Variants in SPANXN3 observed in about 807,000 individuals in gnomAD.
SPANXN3 encodes the protein SPANX family member N3, also known as sperm protein associated with the nucleus on the X chromosome N3.
In SPANXN3, 1 loss-of-function variant was observed where a neutral mutation model predicts 1.9. The observed-to-expected ratio is 0.54, with a 90% CI of 0.19 to 2.54. The LOEUF (loss-of-function observed/expected upper bound fraction) is 2.54. Ranked by LOEUF, SPANXN3 falls within the 30% of genes most tolerant of loss-of-function variation. The pLI is 0.24. For missense variants in SPANXN3, 113 were observed against 96.2 expected (o/e 1.17, Z -0.73); for synonymous variants, 47 against 40.0 (o/e 1.17, Z -0.66).
At chrX:143,509,650 A>G in intron 1 of SPANXN3, 1 of 122,630 alleles carries the variant, frequency 8.2e-6, no homozygotes, top group Admixed American at 8.3e-5. Context: ...CACTGGAAAA[A>G]GGGCCAAACC....
At chrX:143,511,208 C>A (rs1360972307) in intron 1 of SPANXN3, among the ~76,000 whole-genome samples, 1 of 111,367 alleles carries the variant, frequency 9.0e-6, no homozygotes, top group Non-Finnish European at 1.9e-5. Flanking sequence ...CCTCCACCAA[C>A]AAGATGCTGC....
At chrX:143,513,890 C>G (rs782474280) in intron 1 of SPANXN3, among the ~76,000 whole-genome samples, 15 of 112,368 alleles carry the variant, frequency 1.3e-4, no homozygotes, top group East Asian at 5.7e-4. Context: ...CTCTCAACAG[C>G]CTAAGCTAGT....
intron 1 of SPANXN3, among the ~76,000 whole-genome samples, chrX:143,513,448 G>A (rs1180783878): frequency 9.0e-6 from 1 of 111,542 alleles, no homozygotes; most frequent in Non-Finnish European, 1.9e-5. Context: ...TAAAAATCTT[G>A]GCTGTGGCCA....
chrX:143,517,063 A>G (rs1929235660), intron 1 of SPANXN3, among the ~76,000 whole-genome samples: 2 of 111,184 alleles, frequency 1.8e-5, no homozygotes, highest in Non-Finnish European at 3.8e-5. Flanking sequence ...ATCCCACTGG[A>G]AAAAGGACCA....
intron 1 of SPANXN3, among the ~76,000 whole-genome samples, chrX:143,510,618 A>G (rs1263955839): frequency 1.8e-5 from 2 of 112,057 alleles, no homozygotes; most frequent in Non-Finnish European, 3.8e-5. Flanking sequence ...ACAATGGTAA[A>G]TGATCTGAAG....
chrX:143,513,362 G>A (rs782670237), intron 1 of SPANXN3, among the ~76,000 whole-genome samples: 5 of 112,142 alleles, frequency 4.5e-5, no homozygotes, highest in Admixed American at 9.4e-5. Flanking sequence ...ATACGGCAAC[G>A]CCACACAAGC....
chrX:143,509,244 G>T, intron 1 of SPANXN3, 82 bp from the exon 2 acceptor site: 2 of 794,161 alleles, frequency 2.5e-6, no homozygotes, highest in South Asian at 2.5e-5. Context: ...GGGGCTTTAT[G>T]AGAAGGAATG....
At chrX:143,513,966 A>G (rs1929156678) in intron 1 of SPANXN3, among the ~76,000 whole-genome samples, 1 of 112,054 alleles carries the variant, frequency 8.9e-6, no homozygotes, top group African/African-American at 3.3e-5. Context: ...CATTCCAAAT[A>G]TGCATACCAT....
chrX:143,511,134 C>A (rs1929082429), intron 1 of SPANXN3, among the ~76,000 whole-genome samples: 1 of 111,299 alleles, frequency 9.0e-6, no homozygotes, highest in Non-Finnish European at 1.9e-5. Context: ...GTCATCCTCT[C>A]CTCTACCCTC....
chrX:143,511,072 G>A (rs1415086294), intron 1 of SPANXN3, among the ~76,000 whole-genome samples: 1 of 111,542 alleles, frequency 9.0e-6, no homozygotes, highest in African/African-American at 3.3e-5. Flanking sequence ...CCTTCCTCAA[G>A]GAATGTCTGT....
chrX:143,508,779 GTGA>G lies in SPANXN3; in HGVS notation c.*33_*35del. 9.2e-7 allele frequency: 1 copy of G among 1,081,804 alleles called. No individual in the cohort carries two copies. The highest frequency in any genetic ancestry group is 1.3e-6 in the Non-Finnish European group (1 of 786,272). 89.2% of individuals were successfully genotyped at this position (1,081,804 alleles called of 1,213,427 possible). On this transcript the variant is annotated 3_prime_UTR_variant, in exon 2 of 2. Transcript: ENST00000370503. ...TTTATTGTAATCATCGCCATCAGTG[GTGA>G]TGATTTGTCCAATTTGGTTTCTCCA...
chrX:143,513,355 C>T (rs1177336246), intron 1 of SPANXN3, among the ~76,000 whole-genome samples: 10 of 112,243 alleles, frequency 8.9e-5, no homozygotes, highest in Admixed American at 9.3e-5. Flanking sequence ...GCCAAACATA[C>T]GGCAACGCCA....
intron 1 of SPANXN3, 142 bp from the exon 2 acceptor site, chrX:143,509,304 G>A (rs1602852164): frequency 3.9e-6 from 2 of 509,926 alleles, no homozygotes; most frequent in East Asian, 6.8e-5. Flanking sequence ...GAAATCATAG[G>A]GTAGGTATCT....
chrX:143,514,060 A>G (rs1287251220), intron 1 of SPANXN3, among the ~76,000 whole-genome samples: 3 of 112,265 alleles, frequency 2.7e-5, no homozygotes, highest in African/African-American at 9.7e-5. Context: ...GCAAACTTAT[A>G]CATAAGCTGC....
intron 1 of SPANXN3, among the ~76,000 whole-genome samples, chrX:143,513,737 C>T (rs782074161): frequency 8.9e-6 from 1 of 112,065 alleles, no homozygotes; most frequent in South Asian, 3.7e-4. Flanking sequence ...CTCCTTCCAA[C>T]ACATTTCACA....
At chrX:143,513,709 C>T (rs1556412065) in intron 1 of SPANXN3, among the ~76,000 whole-genome samples, 1 of 111,981 alleles carries the variant, frequency 8.9e-6, no homozygotes, top group Non-Finnish European at 1.9e-5. Flanking sequence ...GTCTGGACCT[C>T]TTAGACTCCC....
chrX:143,512,002 T>G (rs186118548), intron 1 of SPANXN3, among the ~76,000 whole-genome samples: 35 of 111,354 alleles, frequency 3.1e-4, no homozygotes, highest in Admixed American at 1.2e-3. Context: ...CCTTTTTCTG[T>G]TCTTCGATCT....
intron 1 of SPANXN3, among the ~76,000 whole-genome samples, chrX:143,511,974 T>G (rs1272019571): frequency 2.7e-5 from 3 of 111,499 alleles, no homozygotes; most frequent in Non-Finnish European, 5.6e-5. Context: ...TACTCGGTTT[T>G]ACCAGAATAT....
intron 1 of SPANXN3, among the ~76,000 whole-genome samples, chrX:143,510,387 A>G (rs1216941069): frequency 1.1e-4 from 12 of 109,384 alleles, no homozygotes; most frequent in Non-Finnish European, 2.1e-4. Flanking sequence ...GGCTGTCCCA[A>G]CTCTCCAGGT....
Sources: gnomAD v4.1 joint callset for allele counts (sites outside exome capture counted in the v4.1 genomes callset) on GRCh38, gnomAD v4.1.1 for gene constraint, MANE v1.5 for transcripts, NCBI Gene and HGNC (gene_info 2026-07-23, HGNC 2026-07-21) for gene names.